The following RNF213 variants were observed in gnomAD, a reference collection of about 807,000 sequenced individuals.
The protein encoded by RNF213 is ring finger protein 213.
A neutral mutation model predicts 514.4 loss-of-function variants in RNF213; 341 were observed. The ratio of observed to expected loss-of-function variants is 0.66; its 90% CI spans 0.61 to 0.73. RNF213 has a LOEUF of 0.73. Ranked by LOEUF, RNF213 falls within the 30% of genes least tolerant of loss-of-function variation. The probability of loss-of-function intolerance (pLI) is 0.00; values close to 1 mark genes in which losing one functional copy is unlikely to be tolerated. For synonymous variants in RNF213, 2,655 were observed against 2,658.2 expected, an observed-to-expected ratio of 1.00 and a Z score of 0.04; for missense variants, 5,767 against 6,615.6, an observed-to-expected ratio of 0.87 and a Z score of 4.45.
intron 15 of RNF213, chr17:80,315,788 TGGTGGTG>T (rs2045912454): frequency 4.6e-5 from 1 of 21,818 alleles, no homozygotes; most frequent in Non-Finnish European, 1.1e-4. Flanking sequence ...GTGGTGGTGG[TGGTGGTG>T]GTGGTGGAGG....
intron 42 of RNF213, among the ~76,000 whole-genome samples, chr17:80,366,668 TAA>T (rs60777731): frequency 0.025 from 3,826 of 150,358 alleles, 72 homozygotes; most frequent in Middle Eastern, 0.062. Context: ...TGGCTCAAAA[TAA>T]AAAAAAAAAA....
intron 15 of RNF213, among the ~76,000 whole-genome samples, chr17:80,313,693 T>C (rs983886782): frequency 2.2e-5 from 3 of 138,906 alleles, no homozygotes; most frequent in African/African-American, 8.1e-5. Flanking sequence ...ATGGTGGTGG[T>C]GAAGGGGATG....
Position 80,393,689 on chromosome 17 carries a change from T to G in RNF213, c.*191T>G. The stretch of plus-strand genomic sequence containing the variant: ...TGAAAGCCGAGCTGTTTCTGAACCA[T>G]GTACATACATGTTCTGAAACTTTCT... On this transcript the variant is annotated 3_prime_UTR_variant, in exon 68 of 68. Coordinates refer to ENST00000582970, the MANE Select transcript of RNF213 (RefSeq NM_001256071.3). The G allele has an allele frequency of 1.7e-6, 1 of 582,346 alleles. No homozygotes were observed. Among genetic ancestry groups the G allele is most frequent in the Non-Finnish European group, 3.1e-6 (1 of 326,510 alleles). The allele number at this position is 582,346 out of a possible 1,614,324, so 36.1% of individuals were successfully genotyped here. A position where few individuals can be genotyped will look rare whatever the true frequency, so the allele number is the denominator to read the frequency against.
At position 80,328,428 on chromosome 17, in the gene RNF213, T is replaced by C; in HGVS notation, c.3468T>C (p.Cys1156=). ...TACTTCTAAAGAAAGAGAAAAGATG[T>C]GTTGATAGTCTCCTGAAGATGTGTG... ...ELLLLKKEKR[C]VDSLLKMCGN... The change falls in exon 20 of 68, where the codon TGT becomes TGC. Residue 1156 remains cysteine, a synonymous_variant. Coordinates refer to ENST00000582970, the MANE Select transcript of RNF213 (RefSeq NM_001256071.3). 6.5e-7 allele frequency: 1 copy of C among 1,537,176 alleles called. No individual in the cohort carries two copies. Among genetic ancestry groups the C allele is most frequent in the Non-Finnish European group, 8.7e-7 (1 of 1,146,868 alleles).
In RNF213 at chr17:80,288,024, A is replaced by G; in HGVS notation, c.471A>G (p.Pro157=). 2 of 1,597,758 alleles carry G rather than the reference A, an allele frequency of 1.3e-6. No homozygotes were observed. Among genetic ancestry groups the G allele is most frequent in the South Asian group, 1.1e-5 (1 of 89,372 alleles). The change falls in exon 4 of 68, where the codon CCA becomes CCG. Residue 157 remains proline, a synonymous_variant. Coordinates refer to ENST00000582970, the MANE Select transcript of RNF213 (RefSeq NM_001256071.3). This position sits in a 1 kb window ranked among gnomAD's most constrained non-coding sequence, Gnocchi z 4.9. ...PSQPPGTATT[P]LEGDGLSAPT... ...AGCCCCCAGGCACAGCCACCACGCC[A>G]CTGGAGGGTGACGGCCTCTCCGCGC...
chr17:80,345,799 AGC>A lies in RNF213; in HGVS notation c.7465_7466del (p.Ala2489GlnfsTer15), dbSNP rs2078290693. Reference sequence around the variant, plus strand: ...TGGACACCATCTTGTTTTTTGATGAAGCCAACACAACGGAAGCTATAAGCTGT... The same window carrying A: ...TGGACACCATCTTGTTTTTTGATGAACAACACAACGGAAGCTATAAGCTGT... ...QLDTILFFDE[A>X]NTTEAISCIK... On this transcript the variant is annotated frameshift_variant, in exon 29 of 68. Transcript: ENST00000582970. LOFTEE classifies it high-confidence loss of function. This position sits in a 1 kb window ranked among gnomAD's most constrained non-coding sequence, Gnocchi z 6.0. 2 of 1,614,036 alleles carry A rather than the reference AGC, an allele frequency of 1.2e-6. No individual in the cohort carries two copies. Among genetic ancestry groups the A allele is most frequent in the Admixed American group, 1.7e-5 (1 of 60,016 alleles).
intron 25 of RNF213, 31 bp from the exon 26 acceptor site, chr17:80,339,170 G>C (rs779581683): frequency 6.9e-7 from 1 of 1,449,084 alleles, no homozygotes; most frequent in Non-Finnish European, 9.1e-7. Flanking sequence ...GCATGGCTCT[G>C]TGAGCCAACC....
rs879732565 is a variant in RNF213, at chr17:80,351,839, G to A, written c.10303+36G>A. 19 of 1,123,404 alleles carry A rather than the reference G, an allele frequency of 1.7e-5. No homozygotes were observed. The African/African-American group carries it at 2.5e-4, about 15-fold the overall frequency. The allele number at this position is 1,123,404 out of a possible 1,614,324, so 69.6% of individuals were successfully genotyped here. The stretch of plus-strand genomic sequence containing the variant: ...AACATCAGTCAGGGTATTTATTTAT[G>A]TATTTATTTATTTATTTGTATCTAT... On this transcript the variant is annotated intron_variant, in intron 32 of 67. Transcript: ENST00000582970.
chr17:80,379,808 C>A, intron 55 of RNF213, 94 bp downstream of exon 55: 1 of 993,816 alleles, frequency 1.0e-6, no homozygotes, highest in Non-Finnish European at 1.6e-6. Context: ...CAAGATAGTA[C>A]TAATTACTCC....
intron 5 of RNF213, 56 bp from the exon 6 acceptor site, chr17:80,289,603 A>AAG (rs1244513867): frequency 1.9e-6 from 3 of 1,580,194 alleles, no homozygotes; most frequent in South Asian, 2.3e-5. Context: ...AAAAAAAAAA[A>AAG]AAAAAGAAAA....
At chr17:80,334,324 G>T in intron 22 of RNF213, 54 bp downstream of exon 22, 7 of 1,486,618 alleles carry the variant, frequency 4.7e-6, no homozygotes, top group Non-Finnish European at 6.3e-6. Context: ...TTCAGATGGC[G>T]CACTGTGTGG....
At chr17:80,365,927 C>T (rs989288459) in intron 42 of RNF213, among the ~76,000 whole-genome samples, 1 of 151,890 alleles carries the variant, frequency 6.6e-6, no homozygotes, top group Non-Finnish European at 1.5e-5. Context: ...AGGTTAGGAA[C>T]GTGGGGAGGG....
intron 15 of RNF213, among the ~76,000 whole-genome samples, chr17:80,314,928 A>G (rs866449446): frequency 5.5e-4 from 1 of 1,818 alleles, no homozygotes; most frequent in Non-Finnish European, 8.4e-4. Flanking sequence ...GGTGGTGGTG[A>G]AGGTGTTGGT....
intron 11 of RNF213, among the ~76,000 whole-genome samples, chr17:80,305,386 C>T (rs1186109739): frequency 6.6e-6 from 1 of 151,742 alleles, no homozygotes; most frequent in African/African-American, 2.4e-5. Context: ...CCATGTTGGT[C>T]AGGCTGGTCT....
chr17:80,300,200 C>T (rs1427125288), intron 11 of RNF213, among the ~76,000 whole-genome samples: 1 of 152,160 alleles, frequency 6.6e-6, no homozygotes, highest in African/African-American at 2.4e-5. Context: ...CGCAACCTCA[C>T]CAGCATCTGT....
intron 10 of RNF213, among the ~76,000 whole-genome samples, chr17:80,297,646 G>C (rs1283858723): frequency 6.6e-6 from 1 of 151,300 alleles, no homozygotes; most frequent in Non-Finnish European, 1.5e-5. Context: ...AACTAGCCAG[G>C]CATGGTGGCG....
chr17:80,310,211 T>C (rs2045520725), intron 14 of RNF213, among the ~76,000 whole-genome samples: 1 of 152,130 alleles, frequency 6.6e-6, no homozygotes, highest in Non-Finnish European at 1.5e-5. Context: ...AGTTCATGAG[T>C]TTCAGTTTGA....
intron 22 of RNF213, 87 bp downstream of exon 22, chr17:80,334,357 A>C (rs1440414864): frequency 3.6e-6 from 5 of 1,391,688 alleles, no homozygotes; most frequent in African/African-American, 1.5e-5. Flanking sequence ...CTTTGGCAAT[A>C]CCTCCCCTTG....
At chr17:80,369,937 C>A in intron 46 of RNF213, 70 bp downstream of exon 46, 1 of 1,094,296 alleles carries the variant, frequency 9.1e-7, no homozygotes, top group Non-Finnish European at 1.4e-6. Context: ...GTTTTGTTAC[C>A]AAGTCTTCTT....
Sources: allele counts gnomAD v4.1 joint callset (sites outside exome capture counted in the v4.1 genomes callset), GRCh38; gene constraint gnomAD v4.1.1; non-coding constraint Gnocchi (gnomAD v3.1); transcripts MANE v1.5; gene names NCBI Gene and HGNC (gene_info 2026-07-23, HGNC 2026-07-21).